The following SMYD1 variants were observed in gnomAD, a reference collection of about 807,000 sequenced individuals.
SMYD1 encodes the protein SET and MYND domain containing 1.
A neutral mutation model predicts 54.0 loss-of-function variants in SMYD1; 49 were observed. The ratio of observed to expected loss-of-function variants is 0.91; its 90% CI spans 0.72 to 1.15. SMYD1 has a LOEUF of 1.15. Among genes scored for constraint, SMYD1 ranks in the 50% most tolerant of loss-of-function variants. The probability of loss-of-function intolerance (pLI) is 0.00; values close to 1 mark genes in which losing one functional copy is unlikely to be tolerated. For synonymous variants in SMYD1, 269 were observed against 234.2 expected, an observed-to-expected ratio of 1.15 and a Z score of -1.36; for missense variants, 653 against 639.6, an observed-to-expected ratio of 1.02 and a Z score of -0.23.
intron 1 of SMYD1, among the ~76,000 whole-genome samples, chr2:88,075,071 G>A (rs906189294): frequency 6.6e-6 from 1 of 152,220 alleles, no homozygotes; most frequent in African/African-American, 2.4e-5. Flanking sequence ...CAGAAAATGA[G>A]TAAGTGCTAA....
chr2:88,096,181 C>T (rs575085137), intron 5 of SMYD1, among the ~76,000 whole-genome samples: 73 of 152,296 alleles, frequency 4.8e-4, no homozygotes, highest in African/African-American at 1.7e-3. Flanking sequence ...AGAGTAGTCC[C>T]CAAACTAACC....
At chr2:88,073,144 A>G (rs1006159396) in intron 1 of SMYD1, among the ~76,000 whole-genome samples, 1 of 152,190 alleles carries the variant, frequency 6.6e-6, no homozygotes, top group African/African-American at 2.4e-5. Context: ...TCCCACTTCA[A>G]AATGAAAACA....
At position 88,106,538 on chromosome 2, in the gene SMYD1, C is replaced by A. The variant is rs76674542; in HGVS notation, c.1145+50C>A. 2.5e-6 allele frequency: 4 copies of A among 1,576,696 alleles called. No homozygotes were observed. In the East Asian group the frequency reaches 6.8e-5, roughly 27 times the overall value. ...ATAGTCTCCTGGAAGTGTGTGTATTCCAGGGATGGCAAATAGATGGCACAT... is the reference window on the plus strand; with the variant it reads ...ATAGTCTCCTGGAAGTGTGTGTATTACAGGGATGGCAAATAGATGGCACAT... On this transcript the variant is annotated intron_variant, in intron 8 of 9. Coordinates refer to ENST00000419482, the MANE Select transcript of SMYD1 (RefSeq NM_198274.4).
chr2:88,106,983 G>A (rs1367895137), intron 8 of SMYD1, among the ~76,000 whole-genome samples: 3 of 152,148 alleles, frequency 2.0e-5, no homozygotes, highest in Non-Finnish European at 4.4e-5. Flanking sequence ...GGAGGATCAC[G>A]AGGTGGGGAG....
rs1558844318 is a variant in SMYD1 at position 88,068,610 on chromosome 2, G to GT, written c.137+609_137+610insT. Among the ~76,000 whole-genome samples the GT allele has an allele frequency of 7.6e-3, 1,065 of 139,766 alleles. 14 individuals carry two copies. Among genetic ancestry groups the GT allele is most frequent in the African/African-American group, 0.026 (883 of 33,388 alleles). 91.7% of individuals were successfully genotyped at this position (139,766 alleles called of 152,430 possible). Reference sequence around the variant, plus strand: ...CAAGATGGATGGCTGTAGTCTGTCTGGTTTTTTTTTTTTTTTTACAGAAAT... The same window carrying GT: ...CAAGATGGATGGCTGTAGTCTGTCTGTGTTTTTTTTTTTTTTTTACAGAAAT... On this transcript the variant is annotated intron_variant, in intron 1 of 9. Coordinates refer to ENST00000419482, the MANE Select transcript of SMYD1 (RefSeq NM_198274.4).
intron 5 of SMYD1, among the ~76,000 whole-genome samples, chr2:88,095,690 G>A (rs1674571134): frequency 1.3e-5 from 2 of 152,210 alleles, no homozygotes; most frequent in African/African-American, 4.8e-5. Flanking sequence ...GGAGATACAG[G>A]AGCATGGTTT....
intron 9 of SMYD1, among the ~76,000 whole-genome samples, chr2:88,109,677 TC>T (rs1674965710): frequency 6.6e-6 from 1 of 152,174 alleles, no homozygotes; most frequent in African/African-American, 2.4e-5. Context: ...GACATGGATG[TC>T]CTCTTACTAT....
chr2:88,068,478 C>G (rs1673878928), intron 1 of SMYD1, among the ~76,000 whole-genome samples: 1 of 152,126 alleles, frequency 6.6e-6, no homozygotes, highest in Non-Finnish European at 1.5e-5. Context: ...GAGTATCACC[C>G]AATCCCAGTC....
At chr2:88,105,981 G>A (rs1674859216) in intron 7 of SMYD1, among the ~76,000 whole-genome samples, 1 of 152,026 alleles carries the variant, frequency 6.6e-6, no homozygotes, top group South Asian at 2.1e-4. Context: ...TTGAATCCAT[G>A]GATGTGGAAC....
At chr2:88,105,385 A>G (rs912789379) in intron 7 of SMYD1, among the ~76,000 whole-genome samples, 3 of 152,080 alleles carry the variant, frequency 2.0e-5, no homozygotes, top group African/African-American at 7.2e-5. Flanking sequence ...ATATACACAC[A>G]CACACACACA....
In SMYD1 at chr2:88,099,340, C is replaced by A. The variant is rs865783644; in HGVS notation, c.888+2556C>A. On this transcript the variant is annotated intron_variant, in intron 6 of 9. Coordinates refer to ENST00000419482, the MANE Select transcript of SMYD1 (RefSeq NM_198274.4). Reference sequence around the variant, plus strand: ...GCCTCAAGTGATCCGCCCGCCTCAGCCTCTTGAAGTGCCGGGATTACAGGC... The same window carrying A: ...GCCTCAAGTGATCCGCCCGCCTCAGACTCTTGAAGTGCCGGGATTACAGGC... Among the ~76,000 whole-genome samples, 9 of 152,292 alleles carry A rather than the reference C, an allele frequency of 5.9e-5. No individual in the cohort carries two copies. The South Asian group carries it at 1.9e-3, about 32-fold the overall frequency.
intron 6 of SMYD1, among the ~76,000 whole-genome samples, chr2:88,098,164 C>T (rs1471462577): frequency 6.6e-6 from 1 of 152,184 alleles, no homozygotes; most frequent in African/African-American, 2.4e-5. Context: ...CTCCTGGAGA[C>T]TGGCCCTGAG....
At position 88,084,481 on chromosome 2, in the gene SMYD1, T is replaced by A. The variant is rs768992449; in HGVS notation, c.303T>A (p.Asn101Lys). The change falls in exon 2 of 10, where the codon AAT becomes AAA. Residue 101 changes from asparagine to lysine, a missense_variant. Physicochemically the swap from Asn to Lys is moderately conservative, Grantham distance 94. Transcript: ENST00000419482. Reference sequence around the variant, plus strand: ...TCAAGAGATATGGGAAGGTGCCCAATGAGAACATCAGGTGAGAGCTGGGCA... The same window carrying A: ...TCAAGAGATATGGGAAGGTGCCCAAAGAGAACATCAGGTGAGAGCTGGGCA... ...SAIKRYGKVP[N>K]ENIRLAARIM... 2.3e-5 allele frequency: 37 copies of A among 1,584,942 alleles called. No homozygotes were observed. The highest frequency in any genetic ancestry group is 3.1e-5 in the Non-Finnish European group (36 of 1,156,634).
In SMYD1 at chr2:88,067,872, T is replaced by C. The variant is rs770769903; in HGVS notation, c.8T>C (p.Ile3Thr). The C allele has an allele frequency of 1.2e-5, 20 of 1,613,594 alleles. No homozygotes were observed. In the Admixed American group the frequency reaches 2.5e-4, roughly 20 times the overall value. The change falls in exon 1 of 10, where the codon ATA (isoleucine) becomes ACA (threonine). Residue 3 changes from isoleucine (I) to threonine (T), a missense_variant. Transcript: ENST00000419482. ...GGCCTGACAGTCTCTGAGATGACAA[T>C]AGGGAGAATGGAGAACGTGGAGGTC... MT[I>T]GRMENVEVFT...
In SMYD1 at chr2:88,084,389, G is replaced by C. The variant is rs1300562943; in HGVS notation, c.211G>C (p.Ala71Pro). ...KLHRCGQCKF[A>P]HYCDRTCQKD... ...CCATCGCTGTGGGCAGTGCAAGTTT[G>C]CCCATTACTGCGACCGCACCTGCCA... The change falls in exon 2 of 10, where the codon GCC (alanine) becomes CCC (proline). Residue 71 changes from alanine (A) to proline (P), a missense_variant. Transcript: ENST00000419482. 3.7e-6 allele frequency: 6 copies of C among 1,607,764 alleles called. No homozygotes were observed. Among genetic ancestry groups the C allele is most frequent in the Non-Finnish European group, 5.1e-6 (6 of 1,174,780 alleles).
intron 1 of SMYD1, among the ~76,000 whole-genome samples, chr2:88,076,567 T>A (rs1167395308): frequency 6.6e-6 from 1 of 151,964 alleles, no homozygotes; most frequent in Non-Finnish European, 1.5e-5. Context: ...TCAATGCACA[T>A]AACAGATTCT....
At chr2:88,110,261 C>T (rs971927642) in intron 9 of SMYD1, 93 bp from the exon 10 acceptor site, 12 of 1,190,318 alleles carry the variant, frequency 1.0e-5, no homozygotes, top group Non-Finnish European at 1.4e-5. Flanking sequence ...GTTGAATCTC[C>T]GTGGCTGGAA....
At chr2:88,072,229 C>T (rs1212446224) in intron 1 of SMYD1, among the ~76,000 whole-genome samples, 5 of 151,956 alleles carry the variant, frequency 3.3e-5, no homozygotes, top group African/African-American at 4.8e-5. Flanking sequence ...CGGCTCACTG[C>T]AACCTCTGCC....
chr2:88,101,160 T>C (rs1332735214), intron 6 of SMYD1, among the ~76,000 whole-genome samples: 1 of 152,220 alleles, frequency 6.6e-6, no homozygotes, highest in African/African-American at 2.4e-5. Flanking sequence ...GAAGATGGTC[T>C]ACAGAGGGGG....
Sources: allele counts gnomAD v4.1 joint callset (sites outside exome capture counted in the v4.1 genomes callset), GRCh38; gene constraint gnomAD v4.1.1; transcripts MANE v1.5; gene names NCBI Gene and HGNC (gene_info 2026-07-23, HGNC 2026-07-21).